PACS1: variants seen among roughly 807,000 people sequenced by gnomAD.
The protein encoded by PACS1 is PACS-1.
Under a neutral mutation model 115.0 loss-of-function variants are expected in PACS1, and 24 were observed. The observed-to-expected ratio is 0.21, with a 90% CI of 0.15 to 0.29. The LOEUF (loss-of-function observed/expected upper bound fraction) is 0.29, where lower values mean the gene tolerates loss of function less well. Ranked by LOEUF, PACS1 falls within the 10% of genes least tolerant of loss-of-function variation. PACS1 has a pLI of 1.00. For missense variants in PACS1, 838 were observed against 1,251.2 expected, an observed-to-expected ratio of 0.67 and a Z score of 4.98; for synonymous variants, 453 against 504.5, an observed-to-expected ratio of 0.90 and a Z score of 1.37.
At position 66,138,626 on chromosome 11, in the gene PACS1, G is replaced by T. The variant is rs114135337; in HGVS notation, c.357-54860G>T. ...ATATTGTGTTTCTTATTATTGTTAGGCTTACTGCTGATGAAGCTACTAAAT... is the reference window on the plus strand; with the variant it reads ...ATATTGTGTTTCTTATTATTGTTAGTCTTACTGCTGATGAAGCTACTAAAT... On this transcript the variant is annotated intron_variant, in intron 1 of 23. Coordinates refer to ENST00000320580, the MANE Select transcript of PACS1 (RefSeq NM_018026.4). 7.3e-4 allele frequency among the ~76,000 whole-genome samples: 111 copies of T among 151,544 alleles called. 1 individual carries two copies. Among genetic ancestry groups the T allele is most frequent in the African/African-American group, 2.6e-3 (109 of 41,278 alleles).
chr11:66,141,366 A>G (rs1236054568), intron 1 of PACS1, among the ~76,000 whole-genome samples: 2 of 152,216 alleles, frequency 1.3e-5, no homozygotes, highest in South Asian at 4.1e-4. Context: ...ATGAAAGCTC[A>G]TTGTAGGCCA....
chr11:66,077,289 G>C (rs112876455), intron 1 of PACS1, among the ~76,000 whole-genome samples: 1 of 152,184 alleles, frequency 6.6e-6, no homozygotes, highest in Non-Finnish European at 1.5e-5. Context: ...AAGGCTGGGC[G>C]TGGTGGCTCA....
At chr11:66,205,598 T>C (rs1854916286) in intron 2 of PACS1, among the ~76,000 whole-genome samples, 1 of 151,452 alleles carries the variant, frequency 6.6e-6, no homozygotes, top group Non-Finnish European at 1.5e-5. Flanking sequence ...AATAACAGCT[T>C]ATTTTCAGAC....
Position 66,151,760 on chromosome 11 carries a change from ACTGACT to A in PACS1, c.357-41721_357-41716del, listed in dbSNP as rs142483300. ...TCAGGAAGAAAAGCAGTCAGTAGAG[ACTGACT>A]CTGAGCATCTAAGTGGGTACAGTGT... On this transcript the variant is annotated intron_variant, in intron 1 of 23. Transcript: ENST00000320580. Among the ~76,000 whole-genome samples, 74 of 152,348 alleles carry A rather than the reference ACTGACT, an allele frequency of 4.9e-4. 2 individuals carry two copies. In the East Asian group the frequency reaches 0.013, roughly 27 times the overall value.
chr11:66,147,598 T>C (rs1859155737), intron 1 of PACS1, among the ~76,000 whole-genome samples: 1 of 152,198 alleles, frequency 6.6e-6, no homozygotes, highest in Admixed American at 6.5e-5. Flanking sequence ...AATTTTCTAA[T>C]GTTGTAATTT....
intron 1 of PACS1, among the ~76,000 whole-genome samples, chr11:66,103,620 C>T (rs921959928): frequency 1.4e-5 from 2 of 146,368 alleles, no homozygotes; most frequent in African/African-American, 5.2e-5. Context: ...AAGTGTTTCT[C>T]TTACCTCAGC....
chr11:66,235,987 C>T lies in PACS1; in HGVS notation c.2250+47C>T. The T allele has an allele frequency of 6.6e-7, 1 of 1,515,732 alleles. No individual in the cohort carries two copies. Among genetic ancestry groups the T allele is most frequent in the South Asian group, 1.1e-5 (1 of 89,212 alleles). 93.9% of individuals were successfully genotyped at this position (1,515,732 alleles called of 1,614,324 possible). A position where few individuals can be genotyped will look rare whatever the true frequency, so the allele number is the denominator to read the frequency against. ...TTGGCACCCCACCCGTTCTCCTGGT[C>T]TTCCTGTTCCCCCTTACACAGGAAA... On this transcript the variant is annotated intron_variant, in intron 19 of 23. Coordinates refer to ENST00000320580, the MANE Select transcript of PACS1 (RefSeq NM_018026.4). This position sits in a 1 kb window ranked among gnomAD's most constrained non-coding sequence, Gnocchi z 5.6.
chr11:66,240,839 C>G (rs1855797651), intron 21 of PACS1: 1 of 151,870 alleles, frequency 6.6e-6, no homozygotes, highest in South Asian at 2.1e-4. Flanking sequence ...AGATGACTTT[C>G]CTAGCCTGTG....
chr11:66,214,751 A>G (rs1180546362), intron 4 of PACS1, among the ~76,000 whole-genome samples: 1 of 150,388 alleles, frequency 6.6e-6, no homozygotes, highest in Admixed American at 6.7e-5. Context: ...CCTCCTGAGT[A>G]GCTGCAACTA....
chr11:66,188,775 C>T (rs1213836875), intron 1 of PACS1, among the ~76,000 whole-genome samples: 1 of 152,160 alleles, frequency 6.6e-6, no homozygotes, highest in Non-Finnish European at 1.5e-5. Flanking sequence ...GTCATCCTCA[C>T]AACTATATCT....
intron 1 of PACS1, among the ~76,000 whole-genome samples, chr11:66,143,003 A>T (rs1859033104): frequency 6.6e-6 from 1 of 151,962 alleles, no homozygotes; most frequent in Admixed American, 6.6e-5. Flanking sequence ...CATTATTTAC[A>T]GACAGGTCAG....
intron 1 of PACS1, among the ~76,000 whole-genome samples, chr11:66,151,845 G>A (rs1202844993): frequency 6.6e-6 from 1 of 152,180 alleles, no homozygotes; most frequent in Non-Finnish European, 1.5e-5. Flanking sequence ...AGAATTAAAG[G>A]AAAAATAAGT....
At chr11:66,152,675 T>C (rs1859268075) in intron 1 of PACS1, among the ~76,000 whole-genome samples, 1 of 152,148 alleles carries the variant, frequency 6.6e-6, no homozygotes, top group African/African-American at 2.4e-5. Context: ...GTGTGTGAGG[T>C]GTGCCACCCT....
At chr11:66,074,715 T>A (rs1422749162) in intron 1 of PACS1, among the ~76,000 whole-genome samples, 1 of 152,034 alleles carries the variant, frequency 6.6e-6, no homozygotes, top group Non-Finnish European at 1.5e-5. Flanking sequence ...GGTGCTGAGG[T>A]CAAGCCTTAA....
chr11:66,241,672 G>A lies in PACS1; in HGVS notation c.2656+19G>A, dbSNP rs547725816. On this transcript the variant is annotated intron_variant, in intron 22 of 23. Transcript: ENST00000320580. Reference sequence around the variant, plus strand: ...AAGAAAGGTAAGTACCCCCAAGGCCGGGGAAGACCATGGGCCACCAGGCCT... The same window carrying A: ...AAGAAAGGTAAGTACCCCCAAGGCCAGGGAAGACCATGGGCCACCAGGCCT... 43 of 1,588,686 alleles carry A rather than the reference G, an allele frequency of 2.7e-5. No individual in the cohort carries two copies. Among genetic ancestry groups the A allele is most frequent in the African/African-American group, 2.7e-4 (20 of 74,534 alleles).
chr11:66,195,481 T>C (rs531533723), intron 2 of PACS1, among the ~76,000 whole-genome samples: 13 of 152,344 alleles, frequency 8.5e-5, no homozygotes, highest in African/African-American at 2.4e-4. Context: ...AGAATGTTGC[T>C]GTCCTGTGCC....
chr11:66,181,366 C>T (rs1860008120), intron 1 of PACS1, among the ~76,000 whole-genome samples: 1 of 151,790 alleles, frequency 6.6e-6, no homozygotes, highest in Non-Finnish European at 1.5e-5. Flanking sequence ...GTGTCCACCA[C>T]CACACCCAGC....
rs61577143 is a variant in PACS1 at position 66,136,323 on chromosome 11, T to TCACACACACACACA, written c.357-57145_357-57132dup. Among the ~76,000 whole-genome samples, 673 of 145,888 alleles carry TCACACACACACACA rather than the reference T, an allele frequency of 4.6e-3. 5 individuals are homozygous for TCACACACACACACA. Among genetic ancestry groups the TCACACACACACACA allele is most frequent in the African/African-American group, 8.0e-3 (309 of 38,736 alleles). On this transcript the variant is annotated intron_variant, in intron 1 of 23. Coordinates refer to ENST00000320580, the MANE Select transcript of PACS1 (RefSeq NM_018026.4). Reference sequence around the variant, plus strand: ...GAAACAGGACTGCCCAATCCCACTGTCACACACACACACACACACACACAC... The same window carrying TCACACACACACACA: ...GAAACAGGACTGCCCAATCCCACTGTCACACACACACACACACACACACACACACACACACACAC...
rs145583005 is a variant in PACS1 at position 66,233,730 on chromosome 11, C to G, written c.1839-55C>G. 4.6e-6 allele frequency: 7 copies of G among 1,535,692 alleles called. No individual in the cohort carries two copies. Among genetic ancestry groups the G allele is most frequent in the Admixed American group, 4.1e-5 (2 of 49,126 alleles). The stretch of plus-strand genomic sequence containing the variant: ...CAGAAAGTCAGCTCTGGGCCTCCCC[C>G]GGGCAGGATCCTGGCACCCCTGAGC... On this transcript the variant is annotated intron_variant, in intron 15 of 23. Transcript: ENST00000320580. This position sits in a 1 kb window ranked among gnomAD's most constrained non-coding sequence, Gnocchi z 4.5.
Sources: allele counts gnomAD v4.1 joint callset (sites outside exome capture counted in the v4.1 genomes callset), GRCh38; gene constraint gnomAD v4.1.1; non-coding constraint Gnocchi (gnomAD v3.1); transcripts MANE v1.5; gene names NCBI Gene and HGNC (gene_info 2026-07-23, HGNC 2026-07-21).